Variants in RNF144A observed in about 807,000 individuals in gnomAD.
RNF144A encodes the protein ring finger protein 144A.
RNF144A carries 11 observed loss-of-function variants against 38.7 expected under a neutral mutation model. The ratio of observed to expected loss-of-function variants is 0.28; its 90% CI spans 0.18 to 0.47. The LOEUF is 0.47. RNF144A is among the 20% of genes least tolerant of loss of function. The pLI, the probability that RNF144A is intolerant of heterozygous loss-of-function variation, is 0.99. For synonymous variants in RNF144A, 149 were observed against 143.9 expected (o/e 1.04, Z -0.25); for missense variants, 316 against 377.2 (o/e 0.84, Z 1.34).
intron 2 of RNF144A, among the ~76,000 whole-genome samples, chr2:6,965,469 A>G (rs79977294): frequency 2.0e-4 from 31 of 152,324 alleles, no homozygotes; most frequent in African/African-American, 6.7e-4. Flanking sequence ...CTATATATTC[A>G]GGGCCTTTAT....
chr2:6,998,517 T>C lies in RNF144A; in HGVS notation c.135+1456T>C, dbSNP rs1037851188. On this transcript the variant is annotated intron_variant, in intron 3 of 8. Transcript: ENST00000320892. ...ATTTCTGGCCCATTCTGTATCCACC[T>C]AGCACCTAGTTTAGTGCAGGACCCA... is the stretch of plus-strand genomic sequence containing the variant. Among the ~76,000 whole-genome samples, 6 of 152,376 alleles carry C rather than the reference T, an allele frequency of 3.9e-5. No individual in the cohort carries two copies. In the East Asian group the frequency reaches 1.2e-3, roughly 29 times the overall value.
intron 3 of RNF144A, among the ~76,000 whole-genome samples, chr2:7,000,297 T>G (rs1670018063): frequency 6.6e-6 from 1 of 152,200 alleles, no homozygotes; most frequent in Non-Finnish European, 1.5e-5. Context: ...TGCAAAATAG[T>G]GACATGTAAG....
intron 1 of RNF144A, among the ~76,000 whole-genome samples, chr2:6,939,140 A>G (rs989825289): frequency 1.1e-4 from 16 of 152,212 alleles, no homozygotes; most frequent in Non-Finnish European, 2.2e-4. Context: ...TCTATGTTCA[A>G]CACTTTGAGG....
chr2:7,042,914 C>G lies in RNF144A; in HGVS notation c.*3154C>G. ...CGGAGTTTCGCTTTTGTCCCCCAAG[C>G]TGGAGTACAATGACAGGATCTCGGC... is the stretch of plus-strand genomic sequence containing the variant. On this transcript the variant is annotated 3_prime_UTR_variant, in exon 9 of 9. Transcript: ENST00000320892. 1 of 925,636 alleles carries G rather than the reference C, an allele frequency of 1.1e-6. No homozygotes were observed. The highest frequency in any genetic ancestry group is 1.3e-6 in the Non-Finnish European group (1 of 775,652). The allele number at this position is 925,636 out of a possible 1,614,324, so 57.3% of individuals were successfully genotyped here.
chr2:6,963,231 G>A (rs764109236), intron 2 of RNF144A, among the ~76,000 whole-genome samples: 92 of 152,118 alleles, frequency 6.0e-4, no homozygotes, highest in Non-Finnish European at 1.2e-3. Context: ...TTACCCTTAC[G>A]GGCCAAGCAA....
chr2:6,918,720 C>T (rs62105591), intron 1 of RNF144A: 1 of 138,430 alleles, frequency 7.2e-6, no homozygotes, highest in Non-Finnish European at 1.5e-5. Context: ...GCGGAGATCG[C>T]GCCACAGCAC....
chr2:6,921,205 A>C (rs1664518252), intron 1 of RNF144A, among the ~76,000 whole-genome samples: 1 of 152,230 alleles, frequency 6.6e-6, no homozygotes, highest in Non-Finnish European at 1.5e-5. Flanking sequence ...CACTCCACAA[A>C]TAACCCAAGA....
At chr2:7,039,401 G>T (rs1672900638) in intron 8 of RNF144A, among the ~76,000 whole-genome samples, 1 of 151,862 alleles carries the variant, frequency 6.6e-6, no homozygotes, top group Non-Finnish European at 1.5e-5. Flanking sequence ...GTAGATGGAT[G>T]GATGGATAGA....
At chr2:6,987,919 T>C (rs1193960257) in intron 2 of RNF144A, among the ~76,000 whole-genome samples, 1 of 152,210 alleles carries the variant, frequency 6.6e-6, no homozygotes, top group South Asian at 2.1e-4. Flanking sequence ...TGAGAAAGTG[T>C]TTTATGGGCT....
At chr2:6,936,054 C>T (rs577895590) in intron 1 of RNF144A, among the ~76,000 whole-genome samples, 5 of 152,266 alleles carry the variant, frequency 3.3e-5, no homozygotes, top group South Asian at 4.1e-4. Flanking sequence ...GGAACTTGGG[C>T]GGCTCGGCCT....
intron 2 of RNF144A, among the ~76,000 whole-genome samples, chr2:6,994,258 T>C (rs1161936495): frequency 6.6e-6 from 1 of 152,160 alleles, no homozygotes; most frequent in Non-Finnish European, 1.5e-5. Flanking sequence ...TTGAAACTTT[T>C]CCAGCCCTGA....
downstream of RNF144A, among the ~76,000 whole-genome samples, chr2:7,071,089 C>A (rs1445027061): frequency 6.6e-6 from 1 of 152,150 alleles, no homozygotes; most frequent in Admixed American, 6.5e-5. Context: ...AGCGTGCCAC[C>A]ATGCCAGGCT....
chr2:6,966,217 A>G (rs576061266), intron 2 of RNF144A, among the ~76,000 whole-genome samples: 48 of 152,392 alleles, frequency 3.1e-4, no homozygotes, highest in Non-Finnish European at 4.8e-4. Context: ...GCTAGGACGC[A>G]GAAACAGCAG....
At chr2:7,075,501 G>T in the RNF144A span, among the ~76,000 whole-genome samples, 1 of 152,088 alleles carries the variant, frequency 6.6e-6, no homozygotes, top group African/African-American at 2.4e-5. Flanking sequence ...GAGGCAATTA[G>T]AAATAGATAA....
rs776023573 is a variant in RNF144A at position 6,958,202 on chromosome 2, T to C, written c.-12+17055T>C. On this transcript the variant is annotated intron_variant, in intron 2 of 8. Transcript: ENST00000320892. The surrounding 1 kb of genome is among the most constrained non-coding windows in gnomAD (Gnocchi z 4.5). The stretch of plus-strand genomic sequence containing the variant: ...GGTGGAACTTGATCACCACTCTGCC[T>C]GGCCTCAGCAGTCCCTTCTGCGGGG... Among the ~76,000 whole-genome samples the C allele has an allele frequency of 1.3e-5, 2 of 152,230 alleles. No individual in the cohort carries two copies. The highest frequency in any genetic ancestry group is 2.9e-5 in the Non-Finnish European group (2 of 68,040).
intron 2 of RNF144A, among the ~76,000 whole-genome samples, chr2:6,992,419 G>A (rs1669456296): frequency 6.6e-6 from 1 of 152,224 alleles, no homozygotes; most frequent in Non-Finnish European, 1.5e-5. Flanking sequence ...ACGGGAGACA[G>A]CGGGGAGACG....
intron 1 of RNF144A, among the ~76,000 whole-genome samples, chr2:6,933,899 T>C (rs1402493544): frequency 6.6e-6 from 1 of 152,218 alleles, no homozygotes; most frequent in Non-Finnish European, 1.5e-5. Context: ...TATTGATGGG[T>C]TTGTAAGTAA....
At chr2:7,017,739 G>A (rs1413490733) in intron 5 of RNF144A, among the ~76,000 whole-genome samples, 2 of 152,142 alleles carry the variant, frequency 1.3e-5, no homozygotes, top group African/African-American at 2.4e-5. Flanking sequence ...ATACACACAC[G>A]TGTGTAGATT....
intron 6 of RNF144A, among the ~76,000 whole-genome samples, chr2:7,057,056 C>G (rs1407180630): frequency 6.6e-6 from 1 of 152,056 alleles, no homozygotes; most frequent in Non-Finnish European, 1.5e-5. Context: ...GAGAAACTGC[C>G]CATACATCAA....
Sources: allele counts gnomAD v4.1 joint callset (sites outside exome capture counted in the v4.1 genomes callset), GRCh38; gene constraint gnomAD v4.1.1; non-coding constraint Gnocchi (gnomAD v3.1); transcripts MANE v1.5; gene names NCBI Gene and HGNC (gene_info 2026-07-23, HGNC 2026-07-21).